Variants in NPTN observed in about 807,000 individuals in gnomAD.
The protein encoded by NPTN is SDR-1.
Under a neutral mutation model 42.7 loss-of-function variants are expected in NPTN, and 5 were observed. That is an observed-to-expected ratio of 0.12 (90% CI 0.06 to 0.25). The LOEUF (loss-of-function observed/expected upper bound fraction) is 0.25, where lower values mean the gene tolerates loss of function less well. Among genes scored for constraint, NPTN ranks in the 10% least tolerant of loss-of-function variants. The pLI, the probability that NPTN is intolerant of heterozygous loss-of-function variation, is 1.00. For synonymous variants in NPTN, 180 were observed against 201.9 expected, an observed-to-expected ratio of 0.89 and a Z score of 0.92; for missense variants, 307 against 525.4, an observed-to-expected ratio of 0.58 and a Z score of 4.06.
intron 4 of NPTN, among the ~76,000 whole-genome samples, chr15:73,577,981 G>A (rs1205476532): frequency 6.6e-6 from 1 of 152,182 alleles, no homozygotes; most frequent in African/African-American, 2.4e-5. Flanking sequence ...GAAAAGAAGG[G>A]AGTAGGTCAC....
chr15:73,593,564 G>C (rs879172721), intron 2 of NPTN, among the ~76,000 whole-genome samples: 1 of 152,128 alleles, frequency 6.6e-6, no homozygotes, highest in Admixed American at 6.5e-5. Flanking sequence ...CCCTCCATGG[G>C]AACTAAGTTG....
chr15:73,625,873 T>G (rs558001915), intron 1 of NPTN, among the ~76,000 whole-genome samples: 45 of 152,082 alleles, frequency 3.0e-4, no homozygotes, highest in African/African-American at 9.6e-4. Context: ...ATTCTAAAGA[T>G]CTAAAAGAAA....
At chr15:73,632,135 A>C (rs1433758186) in intron 1 of NPTN, among the ~76,000 whole-genome samples, 1 of 152,054 alleles carries the variant, frequency 6.6e-6, no homozygotes, top group Non-Finnish European at 1.5e-5. Context: ...CAAAGGCCCG[A>C]CCAATATCAT....
intron 1 of NPTN, among the ~76,000 whole-genome samples, chr15:73,606,086 C>T (rs1897285544): frequency 6.6e-6 from 1 of 152,092 alleles, no homozygotes; most frequent in South Asian, 2.1e-4. Context: ...AAAATGCTAG[C>T]CACTTGCAGG....
intron 4 of NPTN, among the ~76,000 whole-genome samples, chr15:73,577,184 T>C (rs1895745029): frequency 6.6e-6 from 1 of 152,192 alleles, no homozygotes; most frequent in Non-Finnish European, 1.5e-5. Flanking sequence ...GTAATGTTTT[T>C]CCCACACAAG....
chr15:73,605,100 G>A lies in NPTN; in HGVS notation c.92-7731C>T, dbSNP rs923137369. ...TGACAGAGTAGAGACCCTGTCTCAA[G>A]GGGGGGGGGGGAAAAGAATGATCTA... On this transcript the variant is annotated intron_variant, in intron 1 of 8. Transcript: ENST00000345330. Among the ~76,000 whole-genome samples, 11 of 123,768 alleles carry A rather than the reference G, an allele frequency of 8.9e-5. No homozygotes were observed. The South Asian group carries it at 3.1e-3, about 35-fold the overall frequency. The allele number at this position is 123,768 out of a possible 152,430, so 81.2% of individuals were successfully genotyped here.
chr15:73,580,712 C>A (rs2141378066), intron 4 of NPTN, among the ~76,000 whole-genome samples: 1 of 150,988 alleles, frequency 6.6e-6, no homozygotes, highest in East Asian at 1.9e-4. Context: ...AGTTATCTTT[C>A]CTTGTAGATG....
At chr15:73,606,023 C>T (rs1398005992) in intron 1 of NPTN, among the ~76,000 whole-genome samples, 1 of 152,168 alleles carries the variant, frequency 6.6e-6, no homozygotes, top group Non-Finnish European at 1.5e-5. Context: ...GATCACACCA[C>T]TGCACTCCAA....
At chr15:73,624,357 A>T (rs1280687907) in intron 1 of NPTN, among the ~76,000 whole-genome samples, 2 of 152,016 alleles carry the variant, frequency 1.3e-5, no homozygotes, top group Non-Finnish European at 2.9e-5. Context: ...CATTTATTTC[A>T]TCTCCCTTGA....
chr15:73,580,357 ACATAT>A (rs1895925044), intron 4 of NPTN, among the ~76,000 whole-genome samples: 1 of 147,224 alleles, frequency 6.8e-6, no homozygotes. Context: ...CACGTTCTGT[ACATAT>A]ATCTCAGAAC....
Position 73,591,897 on chromosome 15 carries a change from G to T in NPTN, c.611+69C>A, listed in dbSNP as rs545586092. 5.4e-5 allele frequency: 79 copies of T among 1,449,614 alleles called. No individual in the cohort carries two copies. The Admixed American group carries it at 6.7e-4, about 12-fold the overall frequency. The allele number at this position is 1,449,614 out of a possible 1,614,324, so 89.8% of individuals were successfully genotyped here. ...GTCCCTTCTGCATGGCGCAACTATGGATTATGAATGTCAAGTAAGCTCAGC... is the reference window on the plus strand; with the variant it reads ...GTCCCTTCTGCATGGCGCAACTATGTATTATGAATGTCAAGTAAGCTCAGC... On this transcript the variant is annotated intron_variant, in intron 3 of 8. Coordinates refer to ENST00000345330, the MANE Select transcript of NPTN (RefSeq NM_012428.4).
chr15:73,564,760 A>G (rs1485833330), intron 6 of NPTN, among the ~76,000 whole-genome samples: 2 of 152,236 alleles, frequency 1.3e-5, no homozygotes, highest in Non-Finnish European at 1.5e-5. Flanking sequence ...GCTCAGCTAC[A>G]TGCTAGGAAC....
chr15:73,614,905 C>T (rs906840499), intron 1 of NPTN, among the ~76,000 whole-genome samples: 4 of 152,084 alleles, frequency 2.6e-5, no homozygotes, highest in Admixed American at 2.6e-4. Context: ...GAATTTACCA[C>T]AGATACCTTA....
chr15:73,631,943 AGTAAT>A (rs1245267517), intron 1 of NPTN, among the ~76,000 whole-genome samples: 1 of 152,172 alleles, frequency 6.6e-6, no homozygotes, highest in Non-Finnish European at 1.5e-5. Context: ...TTCAAAACCC[AGTAAT>A]TCTCTGCTTT....
chr15:73,592,793 G>T (rs1000984335), intron 2 of NPTN, among the ~76,000 whole-genome samples: 2 of 152,168 alleles, frequency 1.3e-5, no homozygotes, highest in African/African-American at 4.8e-5. Flanking sequence ...ACAAGTTGTT[G>T]TTTTCAGAAT....
At chr15:73,567,825 A>G in intron 6 of NPTN, 2 of 985,420 alleles carry the variant, frequency 2.0e-6, no homozygotes, top group Non-Finnish European at 2.4e-6. Flanking sequence ...GAAGGCAAAC[A>G]TTGCCATCAT....
rs1895246402 is a variant in NPTN at position 73,569,539 on chromosome 15, G to A, written c.1114+611C>T. Reference sequence around the variant, plus strand: ...GGATACATCAGACTCTCCTTTGTCTGTGAGACACAGATGGAAAGCCACCCA... The same window carrying A: ...GGATACATCAGACTCTCCTTTGTCTATGAGACACAGATGGAAAGCCACCCA... On this transcript the variant is annotated intron_variant, in intron 6 of 8. Transcript: ENST00000345330. This position sits in a 1 kb window ranked among gnomAD's most constrained non-coding sequence, Gnocchi z 4.1. 2.0e-6 allele frequency: 2 copies of A among 985,306 alleles called. No individual in the cohort carries two copies. Among genetic ancestry groups the A allele is most frequent in the African/African-American group, 3.5e-5 (2 of 57,234 alleles). The allele number at this position is 985,306 out of a possible 1,614,324, so 61.0% of individuals were successfully genotyped here. A position where few individuals can be genotyped will look rare whatever the true frequency, so the allele number is the denominator to read the frequency against.
intron 1 of NPTN, among the ~76,000 whole-genome samples, chr15:73,613,669 G>A (rs964419366): frequency 5.3e-5 from 8 of 151,984 alleles, no homozygotes; most frequent in African/African-American, 1.9e-4. Flanking sequence ...ACGAAGCTAC[G>A]CGGTAACAAA....
In NPTN at chr15:73,570,409, G is replaced by A. The variant is rs565798901; in HGVS notation, c.855C>T (p.Thr285=). 3 of 1,612,034 alleles carry A rather than the reference G, an allele frequency of 1.9e-6. No individual in the cohort carries two copies. In the South Asian group the frequency reaches 3.3e-5, roughly 18 times the overall value. ...TGTTGATGATGAAGAAGCGGCCAGAGGTATTGACAATGTCCTGCAAAAAAG... is the reference window on the plus strand; with the variant it reads ...TGTTGATGATGAAGAAGCGGCCAGAAGTATTGACAATGTCCTGCAAAAAAG... ...ENGMPMDIVN[T]SGRFFIINKE... The change falls in exon 6 of 9, where the codon ACC becomes ACT. Residue 285 remains threonine, a synonymous_variant. Transcript: ENST00000345330. This position sits in a 1 kb window ranked among gnomAD's most constrained non-coding sequence, Gnocchi z 4.0.
Sources: gnomAD v4.1 joint callset for allele counts (sites outside exome capture counted in the v4.1 genomes callset) on GRCh38, gnomAD v4.1.1 for gene constraint, Gnocchi (gnomAD v3.1) non-coding constraint, MANE v1.5 for transcripts, NCBI Gene and HGNC (gene_info 2026-07-23, HGNC 2026-07-21) for gene names.